WWOX: variants seen among roughly 807,000 people sequenced by gnomAD.
WWOX encodes WW domain containing oxidoreductase.
WWOX carries 69 observed loss-of-function variants against 46.2 expected under a neutral mutation model. The ratio of observed to expected loss-of-function variants is 1.49; its 90% confidence interval spans 1.23 to 1.82. WWOX has a LOEUF of 1.82. Ranked by LOEUF, WWOX falls within the 40% of genes most tolerant of loss-of-function variation. WWOX has a pLI of 0.00. For missense variants in WWOX, 919 were observed against 542.6 expected (o/e 1.69, Z -6.89); for synonymous variants, 359 against 202.6 (o/e 1.77, Z -6.56).
chr16:78,875,108 C>T (rs950499566), intron 8 of WWOX, among the ~76,000 whole-genome samples: 20 of 152,282 alleles, frequency 1.3e-4, no homozygotes, highest in African/African-American at 4.8e-4. Context: ...TCGGTGGATT[C>T]TGAAGAGGGT....
In WWOX at chr16:78,629,371, G is replaced by A. The variant is rs370253654; in HGVS notation, c.1056+196619G>A. Among the ~76,000 whole-genome samples the A allele has an allele frequency of 2.6e-5, 4 of 152,192 alleles. No individual in the cohort carries two copies. The South Asian group carries it at 8.3e-4, about 32-fold the overall frequency. ...CTGTGAGTTAGTGCCGTATATAGCA[G>A]TGTTGTCAGTAAGATTTCTCACTGG... is the stretch of plus-strand genomic sequence containing the variant. On this transcript the variant is annotated intron_variant, in intron 8 of 8. Transcript: ENST00000566780.
At chr16:78,856,537 G>A (rs1009117080) in intron 8 of WWOX, among the ~76,000 whole-genome samples, 2 of 152,120 alleles carry the variant, frequency 1.3e-5, no homozygotes, top group African/African-American at 4.8e-5. Flanking sequence ...CAGCTACTCA[G>A]GAGTCTGAGG....
At chr16:79,205,813 CAG>C (rs2051490715) in intron 8 of WWOX, 1 of 152,114 alleles carries the variant, frequency 6.6e-6, no homozygotes, top group Non-Finnish European at 1.5e-5. Context: ...GAGAGGGAGT[CAG>C]AGGGATGGAT....
intron 8 of WWOX, among the ~76,000 whole-genome samples, chr16:78,764,411 G>T (rs1232081943): frequency 6.6e-6 from 1 of 151,102 alleles, no homozygotes; most frequent in African/African-American, 2.4e-5. Context: ...CTGTCCTCTT[G>T]TTGGAAGGGA....
chr16:78,348,739 T>G lies in WWOX; in HGVS notation c.517-38121T>G, dbSNP rs944671146. Reference sequence around the variant, plus strand: ...TCCCAAAGTGCTAGGATTACAGGTGTCAGCCACAGTGCCATGCCCTGATGT... The same window carrying G: ...TCCCAAAGTGCTAGGATTACAGGTGGCAGCCACAGTGCCATGCCCTGATGT... On this transcript the variant is annotated intron_variant, in intron 5 of 8. Transcript: ENST00000566780. 1.1e-4 allele frequency among the ~76,000 whole-genome samples: 13 copies of G among 121,320 alleles called. 4 individuals are homozygous for G. Among genetic ancestry groups the G allele is most frequent in the African/African-American group, 3.6e-4 (13 of 35,792 alleles). The allele number at this position is 121,320 out of a possible 152,430, so 79.6% of individuals were successfully genotyped here.
intron 8 of WWOX, among the ~76,000 whole-genome samples, chr16:78,678,964 C>T (rs1428982967): frequency 6.6e-6 from 1 of 152,162 alleles, no homozygotes; most frequent in Non-Finnish European, 1.5e-5. Flanking sequence ...TCAGTTCAGC[C>T]TGGCCCTAGA....
intron 8 of WWOX, among the ~76,000 whole-genome samples, chr16:79,043,917 C>A (rs548489482): frequency 6.6e-6 from 1 of 152,218 alleles, no homozygotes; most frequent in Non-Finnish European, 1.5e-5. Flanking sequence ...GGCTGCCGCT[C>A]ATTCACTCTG....
rs531933713 is a variant in WWOX, at chr16:78,839,340, G to T, written c.1057-372268G>T. Among the ~76,000 whole-genome samples the T allele has an allele frequency of 3.3e-5, 5 of 152,020 alleles. No homozygotes were observed. In the South Asian group the frequency reaches 1.0e-3, roughly 32 times the overall value. Reference sequence around the variant, plus strand: ...TGTAATTACATCTAACTATCCCCTGGCTTGGTAATATCCAACCTTTTCATG... The same window carrying T: ...TGTAATTACATCTAACTATCCCCTGTCTTGGTAATATCCAACCTTTTCATG... On this transcript the variant is annotated intron_variant, in intron 8 of 8. Coordinates refer to ENST00000566780, the MANE Select transcript of WWOX (RefSeq NM_016373.4).
chr16:79,102,090 G>A (rs1287700531), intron 8 of WWOX, among the ~76,000 whole-genome samples: 1 of 126,298 alleles, frequency 7.9e-6, no homozygotes, highest in African/African-American at 2.9e-5. Context: ...GGAGGGTGGG[G>A]CGGGGGTGGG....
At chr16:78,357,823 T>G (rs762548969) in intron 5 of WWOX, among the ~76,000 whole-genome samples, 1 of 152,204 alleles carries the variant, frequency 6.6e-6, no homozygotes, top group Non-Finnish European at 1.5e-5. Context: ...GGGAGTTTGG[T>G]GAATTAATCA....
intron 8 of WWOX, among the ~76,000 whole-genome samples, chr16:79,083,817 G>T (rs979153141): frequency 6.6e-6 from 1 of 152,170 alleles, no homozygotes; most frequent in African/African-American, 2.4e-5. Context: ...CAACTTTTAT[G>T]TATTTGTATA....
chr16:78,609,139 G>T (rs969650404), intron 8 of WWOX, among the ~76,000 whole-genome samples: 1 of 152,132 alleles, frequency 6.6e-6, no homozygotes, highest in Non-Finnish European at 1.5e-5. Context: ...GGCAGGGGAA[G>T]GTTATATTTG....
At chr16:78,873,334 G>A (rs188133115) in intron 8 of WWOX, 43 of 152,314 alleles carry the variant, frequency 2.8e-4, no homozygotes, top group Non-Finnish European at 4.9e-4. Context: ...CCTATTATCA[G>A]AGATCTGGTC....
At chr16:78,150,298 C>A (rs145608477) in intron 4 of WWOX, among the ~76,000 whole-genome samples, 3 of 152,320 alleles carry the variant, frequency 2.0e-5, no homozygotes, top group South Asian at 2.1e-4. Flanking sequence ...TTCCATACCC[C>A]CTCCCGGCAT....
intron 6 of WWOX, among the ~76,000 whole-genome samples, chr16:78,416,022 C>T (rs1056579406): frequency 2.0e-5 from 3 of 152,186 alleles, no homozygotes; most frequent in Non-Finnish European, 1.5e-5. Flanking sequence ...TGCATGCTGC[C>T]TTCCATTGGA....
chr16:79,184,527 A>G (rs541914930), intron 8 of WWOX, among the ~76,000 whole-genome samples: 1 of 152,212 alleles, frequency 6.6e-6, no homozygotes, highest in Non-Finnish European at 1.5e-5. Flanking sequence ...GGATTTTAGC[A>G]TCTTTCCCTG....
At chr16:78,833,748 C>T (rs963761272) in intron 8 of WWOX, among the ~76,000 whole-genome samples, 6 of 152,236 alleles carry the variant, frequency 3.9e-5, no homozygotes, top group Admixed American at 1.3e-4. Context: ...TATGACTACA[C>T]CCATTTTGCT....
intron 8 of WWOX, among the ~76,000 whole-genome samples, chr16:78,566,049 G>C (rs2044556603): frequency 1.3e-5 from 2 of 152,188 alleles, no homozygotes; most frequent in African/African-American, 2.4e-5. Flanking sequence ...GAAGTCCAAG[G>C]TGAAGCCATG....
intron 8 of WWOX, among the ~76,000 whole-genome samples, chr16:79,163,071 CT>C (rs1225065666): frequency 2.5e-4 from 38 of 152,184 alleles, no homozygotes; most frequent in African/African-American, 8.7e-4. Context: ...AGGATGAGGC[CT>C]CTTTGTCAAA....
Sources: allele counts gnomAD v4.1 joint callset (sites outside exome capture counted in the v4.1 genomes callset), GRCh38; gene constraint gnomAD v4.1.1; transcripts MANE v1.5; gene names NCBI Gene and HGNC (gene_info 2026-07-23, HGNC 2026-07-21).